RPRD1B: variants seen among roughly 807,000 people sequenced by gnomAD.
RPRD1B encodes the protein regulation of nuclear pre-mRNA domain containing 1B.
RPRD1B carries 11 observed loss-of-function variants against 41.5 expected under a neutral mutation model. That is an observed-to-expected ratio of 0.27 (90% confidence interval 0.17 to 0.44). The LOEUF (loss-of-function observed/expected upper bound fraction) is 0.44. Ranked by LOEUF, RPRD1B falls within the 20% of genes least tolerant of loss-of-function variation. RPRD1B has a pLI of 1.00. For synonymous variants in RPRD1B, 158 were observed against 155.6 expected, an observed-to-expected ratio of 1.02 and a Z score of -0.12; for missense variants, 248 against 389.9, an observed-to-expected ratio of 0.64 and a Z score of 3.06.
intron 6 of RPRD1B, among the ~76,000 whole-genome samples, chr20:38,087,763 T>C (rs2074575191): frequency 6.6e-6 from 1 of 152,128 alleles, no homozygotes; most frequent in Non-Finnish European, 1.5e-5. Context: ...AATTTGAAAA[T>C]AGTTTTCAAC....
In RPRD1B at chr20:38,071,549, A is replaced by G. The variant is rs766664578; in HGVS notation, c.831+5293A>G. On this transcript the variant is annotated intron_variant, in intron 6 of 6. Coordinates refer to ENST00000373433, the MANE Select transcript of RPRD1B (RefSeq NM_021215.4). ...ATCTTTTCATTTCTCTTGGTTATGT[A>G]TAAATCTAGGAGTGGAATTGCTGGG... Among the ~76,000 whole-genome samples, 8 of 152,194 alleles carry G rather than the reference A, an allele frequency of 5.3e-5. 1 individual carries two copies. Among genetic ancestry groups the G allele is most frequent in the Admixed American group, 5.2e-4 (8 of 15,286 alleles).
At chr20:38,075,578 A>T (rs2074451445) in intron 6 of RPRD1B, among the ~76,000 whole-genome samples, 2 of 152,210 alleles carry the variant, frequency 1.3e-5, no homozygotes. Context: ...ACTACTGTTA[A>T]GGTGGGCCTT....
intron 2 of RPRD1B, among the ~76,000 whole-genome samples, chr20:38,043,101 CAATT>C (rs1379293693): frequency 3.9e-5 from 6 of 152,274 alleles, no homozygotes; most frequent in East Asian, 3.9e-4. Flanking sequence ...CAGGCAAAGA[CAATT>C]AAATGAGCAA....
intron 1 of RPRD1B, 26 bp downstream of exon 1, chr20:38,034,124 G>T (rs764947113): frequency 4.4e-5 from 70 of 1,603,198 alleles, no homozygotes; most frequent in Non-Finnish European, 5.7e-5. Context: ...CCACCCCCTG[G>T]ACGGTCCCCG....
At chr20:38,085,731 C>G (rs900042466) in intron 6 of RPRD1B, 1 of 152,250 alleles carries the variant, frequency 6.6e-6, no homozygotes, top group Non-Finnish European at 1.5e-5. Flanking sequence ...CCTGGAAAGT[C>G]AGCTAGTGAG....
chr20:38,035,766 TTG>T (rs2073996528), intron 1 of RPRD1B, among the ~76,000 whole-genome samples: 1 of 136,842 alleles, frequency 7.3e-6, no homozygotes, highest in Non-Finnish European at 1.5e-5. Flanking sequence ...GTCATTTTTT[TTG>T]TTTTTTTTTT....
chr20:38,041,825 T>C (rs550320863), intron 2 of RPRD1B, among the ~76,000 whole-genome samples: 1 of 152,310 alleles, frequency 6.6e-6, no homozygotes, highest in Admixed American at 6.5e-5. Context: ...GACAATATGT[T>C]TAAAAGTATG....
Position 38,068,241 on chromosome 20 carries a change from G to A in RPRD1B, c.831+1985G>A, listed in dbSNP as rs115142924. Among the ~76,000 whole-genome samples, 410 of 152,322 alleles carry A rather than the reference G, an allele frequency of 2.7e-3. 3 individuals carry two copies. Among genetic ancestry groups the A allele is most frequent in the African/African-American group, 9.5e-3 (397 of 41,578 alleles). On this transcript the variant is annotated intron_variant, in intron 6 of 6. Coordinates refer to ENST00000373433, the MANE Select transcript of RPRD1B (RefSeq NM_021215.4). ...GCTGGCATTCCATTGCTGAAGAAGC[G>A]GAACAGAAAGGCCCCACCACTGGAA...
chr20:38,088,584 G>GCCAACAGC (rs1385575098), intron 6 of RPRD1B, among the ~76,000 whole-genome samples: 1 of 152,192 alleles, frequency 6.6e-6, no homozygotes, highest in Non-Finnish European at 1.5e-5. Context: ...CCCCAAGGGG[G>GCCAACAGC]CCAACAGCCC....
At chr20:38,059,800 G>A (rs1173006591) in intron 5 of RPRD1B, among the ~76,000 whole-genome samples, 1 of 152,176 alleles carries the variant, frequency 6.6e-6, no homozygotes, top group African/African-American at 2.4e-5. Context: ...AGTACAAATT[G>A]TGTGCGTGTG....
intron 6 of RPRD1B, among the ~76,000 whole-genome samples, chr20:38,074,428 T>G (rs2074440523): frequency 6.6e-6 from 1 of 152,254 alleles, no homozygotes; most frequent in South Asian, 2.1e-4. Flanking sequence ...CTTCACATAC[T>G]TAGTGACTTA....
chr20:38,064,694 T>G (rs1600418394), intron 5 of RPRD1B, among the ~76,000 whole-genome samples: 1 of 152,208 alleles, frequency 6.6e-6, no homozygotes, highest in African/African-American at 2.4e-5. Context: ...TTAATGTTTT[T>G]CCACCCCCAA....
chr20:38,040,305 C>A, intron 1 of RPRD1B, 130 bp from the exon 2 acceptor site: 6 of 541,206 alleles, frequency 1.1e-5, no homozygotes, highest in Middle Eastern at 5.3e-4. Context: ...TCTTTTTAAA[C>A]ATATCTACTT....
chr20:38,076,089 C>T (rs1027662394), intron 6 of RPRD1B, among the ~76,000 whole-genome samples: 108 of 152,354 alleles, frequency 7.1e-4, no homozygotes, highest in African/African-American at 2.5e-3. Context: ...TACTTTTACT[C>T]ATGATGTCCT....
Position 38,066,171 on chromosome 20 carries a change from A to G in RPRD1B, c.746A>G (p.Glu249Gly). ...AACGGGCGCCTGGCAGCAGAACTGG[A>G]GGACCGTCGCCAGCTGGCTCGGATG... ...EYNGRLAAELEDRRQLARMLV... is the reference protein window; with the variant it reads ...EYNGRLAAELGDRRQLARMLV... The change falls in exon 6 of 7, where the codon GAG becomes GGG. Residue 249 changes from glutamate to glycine, a missense_variant. Transcript: ENST00000373433. The G allele has an allele frequency of 6.2e-7, 1 of 1,614,196 alleles. No individual in the cohort carries two copies. Among genetic ancestry groups the G allele is most frequent in the South Asian group, 1.1e-5 (1 of 91,080 alleles).
At chr20:38,070,666 A>G in intron 6 of RPRD1B, 1 of 985,272 alleles carries the variant, frequency 1.0e-6, no homozygotes. Context: ...TGTGTGAGAA[A>G]GAAACCTATT....
chr20:38,049,800 A>C, intron 3 of RPRD1B: 1 of 471,184 alleles, frequency 2.1e-6, no homozygotes, highest in African/African-American at 2.0e-5. Context: ...TGTTTCCTGG[A>C]GGATCGAGTC....
At chr20:38,046,905 A>G (rs1242317311) in intron 2 of RPRD1B, among the ~76,000 whole-genome samples, 2 of 152,184 alleles carry the variant, frequency 1.3e-5, no homozygotes, top group Non-Finnish European at 2.9e-5. Flanking sequence ...CAAAGGAGTG[A>G]CGTGGTCTGC....
intron 1 of RPRD1B, among the ~76,000 whole-genome samples, chr20:38,034,438 T>TA (rs559969192): frequency 1.3e-5 from 2 of 152,070 alleles, no homozygotes; most frequent in Non-Finnish European, 2.9e-5. Context: ...CAGTGCTGGG[T>TA]ATTTGGAGTA....
Sources: allele counts gnomAD v4.1 joint callset (sites outside exome capture counted in the v4.1 genomes callset), GRCh38; gene constraint gnomAD v4.1.1; transcripts MANE v1.5; gene names NCBI Gene and HGNC (gene_info 2026-07-23, HGNC 2026-07-21).